The following GAB2 variants were observed in gnomAD, a reference collection of about 807,000 sequenced individuals.
The protein encoded by GAB2 is GRB2 associated binding protein 2, also known as GRB2-associated-binding protein 2.
In GAB2, 26 loss-of-function variants were observed where a neutral mutation model predicts 65.5. The ratio of observed to expected loss-of-function variants is 0.40; its 90% CI spans 0.29 to 0.55. The LOEUF (loss-of-function observed/expected upper bound fraction) is 0.55. Ranked by LOEUF, GAB2 falls within the 20% of genes least tolerant of loss-of-function variation. GAB2 has a pLI of 0.53. For synonymous variants in GAB2, 321 were observed against 329.6 expected (o/e 0.97, Z 0.28); for missense variants, 884 against 875.8 (o/e 1.01, Z -0.12).
chr11:78,396,236 G>C (rs921201076), intron 1 of GAB2, among the ~76,000 whole-genome samples: 4 of 152,102 alleles, frequency 2.6e-5, no homozygotes, highest in African/African-American at 9.7e-5. Flanking sequence ...AAAGAAATGT[G>C]GTAGGAAAAA....
chr11:78,294,727 C>G (rs1339303710), intron 1 of GAB2, among the ~76,000 whole-genome samples: 3 of 152,262 alleles, frequency 2.0e-5, no homozygotes, highest in Non-Finnish European at 2.9e-5. Flanking sequence ...ACACCTTATA[C>G]AAAAATTAAT....
intron 1 of GAB2, among the ~76,000 whole-genome samples, chr11:78,409,041 T>G (rs1297487231): frequency 6.6e-6 from 1 of 152,040 alleles, no homozygotes; most frequent in Admixed American, 6.6e-5. Flanking sequence ...TCAAATACAA[T>G]GATATGGGTA....
In GAB2 at chr11:78,326,914, T is replaced by C. The variant is rs529861064; in HGVS notation, c.76-46013A>G. Among the ~76,000 whole-genome samples, 177 of 152,270 alleles carry C rather than the reference T, an allele frequency of 1.2e-3. 1 individual carries two copies. Among genetic ancestry groups the C allele is most frequent in the African/African-American group, 4.0e-3 (167 of 41,570 alleles). On this transcript the variant is annotated intron_variant, in intron 1 of 9. Transcript: ENST00000361507. ...ATTTACTGGAGGTAAGAAGAAGGCC[T>C]AGAAGTAGGAAAGCCAGAAAGTGGT...
intron 1 of GAB2, among the ~76,000 whole-genome samples, chr11:78,299,484 T>C (rs1866933547): frequency 6.6e-6 from 1 of 152,210 alleles, no homozygotes; most frequent in South Asian, 2.1e-4. Context: ...TCTGGTGCTT[T>C]CTGGAGAGCT....
chr11:78,277,560 C>CA, intron 2 of GAB2, among the ~76,000 whole-genome samples: 1 of 152,344 alleles, frequency 6.6e-6, no homozygotes, highest in South Asian at 2.1e-4. Flanking sequence ...CACTATGAGG[C>CA]AAAATGGTCG....
At chr11:78,279,307 T>C (rs1475752516) in intron 2 of GAB2, among the ~76,000 whole-genome samples, 2 of 152,180 alleles carry the variant, frequency 1.3e-5, no homozygotes, top group South Asian at 2.1e-4. Flanking sequence ...AAGATAGTAA[T>C]AGTGGAGTGT....
intron 1 of GAB2, among the ~76,000 whole-genome samples, chr11:78,400,819 G>C (rs544845472): frequency 2.2e-5 from 3 of 138,596 alleles, no homozygotes; most frequent in Non-Finnish European, 4.5e-5. Context: ...CACAAGAATT[G>C]CTTACGCCTA....
At position 78,417,627 on chromosome 11, in the gene GAB2, C is replaced by A; in HGVS notation, c.75+19G>T. ...GGAGCGCCCCCCGCCCGCCCCTGGG[C>A]GGCCGCGCCCGCACTCACATAGCGC... On this transcript the variant is annotated intron_variant, in intron 1 of 9. Coordinates refer to ENST00000361507, the MANE Select transcript of GAB2 (RefSeq NM_080491.3). 7.6e-7 allele frequency: 1 copy of A among 1,314,992 alleles called. No homozygotes were observed. The allele number at this position is 1,314,992 out of a possible 1,614,324, so 81.5% of individuals were successfully genotyped here. A position where few individuals can be genotyped will look rare whatever the true frequency, so the allele number is the denominator to read the frequency against.
chr11:78,242,506 C>A (rs2373010), intron 3 of GAB2, among the ~76,000 whole-genome samples: 35,405 of 131,206 alleles, frequency 0.27, 4,895 homozygotes, highest in African/African-American at 0.43. Context: ...CGTCTCAAAA[C>A]AAAAAAAAAA....
chr11:78,232,098 T>G (rs1864865844), intron 3 of GAB2, among the ~76,000 whole-genome samples: 1 of 152,242 alleles, frequency 6.6e-6, no homozygotes, highest in South Asian at 2.1e-4. Context: ...GCTGTATATG[T>G]GAAACTAAAA....
Position 78,218,259 on chromosome 11 carries a change from C to G in GAB2, c.*1013G>C, listed in dbSNP as rs1296426344. 1.3e-5 allele frequency: 2 copies of G among 153,986 alleles called. No individual in the cohort carries two copies. Among genetic ancestry groups the G allele is most frequent in the Non-Finnish European group, 2.9e-5 (2 of 69,232 alleles). 9.5% of individuals were successfully genotyped at this position (153,986 alleles called of 1,614,324 possible). On this transcript the variant is annotated 3_prime_UTR_variant, in exon 10 of 10. Coordinates refer to ENST00000361507, the MANE Select transcript of GAB2 (RefSeq NM_080491.3). ...CCCAGCCTGTGCCTGTCCCAGGGTT[C>G]CCCTCAGTCCCTGCATCACCCCCAT...
In GAB2 at chr11:78,238,501, C is replaced by T. The variant is rs142696654; in HGVS notation, c.621-11450G>A. On this transcript the variant is annotated intron_variant, in intron 3 of 9. Coordinates refer to ENST00000361507, the MANE Select transcript of GAB2 (RefSeq NM_080491.3). ...CTGTCTCTTAAAAAAAAAAAAAAGT[C>T]GAAGAAATATTGGTAGAAAGTTTGC... is the stretch of plus-strand genomic sequence containing the variant. 4.9e-3 allele frequency among the ~76,000 whole-genome samples: 699 copies of T among 142,412 alleles called. 6 individuals are homozygous for T. The highest frequency in any genetic ancestry group is 0.018 in the African/African-American group (664 of 37,872). 93.4% of individuals were successfully genotyped at this position (142,412 alleles called of 152,430 possible). A position where few individuals can be genotyped will look rare whatever the true frequency, so the allele number is the denominator to read the frequency against.
intron 1 of GAB2, among the ~76,000 whole-genome samples, chr11:78,357,987 C>T (rs559006381): frequency 1.0e-3 from 158 of 152,278 alleles, no homozygotes; most frequent in African/African-American, 3.7e-3. Flanking sequence ...TATAAAGACA[C>T]ATGTACATGT....
At chr11:78,224,751 A>G (rs1236013838) in intron 5 of GAB2, among the ~76,000 whole-genome samples, 1 of 152,062 alleles carries the variant, frequency 6.6e-6, no homozygotes, top group African/African-American at 2.4e-5. Flanking sequence ...CCTTGCCTGG[A>G]GTCTCACACT....
intron 1 of GAB2, among the ~76,000 whole-genome samples, chr11:78,286,387 C>T (rs1470524638): frequency 6.6e-6 from 1 of 152,022 alleles, no homozygotes; most frequent in Non-Finnish European, 1.5e-5. Context: ...CTTGTTTTCC[C>T]TTACTAACCT....
intron 1 of GAB2, among the ~76,000 whole-genome samples, chr11:78,281,246 G>A (rs1413273101): frequency 1.4e-5 from 1 of 69,584 alleles, no homozygotes; most frequent in Non-Finnish European, 3.2e-5. Flanking sequence ...TGACCTTAAT[G>A]CATTTTTTTT....
intron 1 of GAB2, among the ~76,000 whole-genome samples, chr11:78,356,392 T>C (rs1856359995): frequency 6.6e-6 from 1 of 152,224 alleles, no homozygotes; most frequent in African/African-American, 2.4e-5. Flanking sequence ...TCTTATAGTA[T>C]TCTTAAGGTT....
chr11:78,235,017 G>C (rs1423894101), intron 3 of GAB2, among the ~76,000 whole-genome samples: 3 of 152,004 alleles, frequency 2.0e-5, no homozygotes, highest in African/African-American at 7.2e-5. Flanking sequence ...CTCCTCCCGG[G>C]CCACCGGGAG....
chr11:78,353,103 G>A (rs555481284), intron 1 of GAB2, among the ~76,000 whole-genome samples: 16 of 152,228 alleles, frequency 1.1e-4, no homozygotes, highest in East Asian at 1.9e-4. Flanking sequence ...CTTGTTACAC[G>A]TGTATCTTCT....
Sources: allele counts gnomAD v4.1 joint callset (sites outside exome capture counted in the v4.1 genomes callset), GRCh38; gene constraint gnomAD v4.1.1; transcripts MANE v1.5; gene names NCBI Gene and HGNC (gene_info 2026-07-23, HGNC 2026-07-21).